The following EIF4B variants were observed in gnomAD, a reference collection of about 807,000 sequenced individuals.
EIF4B encodes eukaryotic translation initiation factor 4B.
Under a neutral mutation model 79.3 loss-of-function variants are expected in EIF4B, and 8 were observed. That is an observed-to-expected ratio of 0.10 (90% CI 0.06 to 0.18). The LOEUF is 0.18. Ranked by LOEUF, EIF4B falls within the 10% of genes least tolerant of loss-of-function variation. The pLI is 1.00. For synonymous variants in EIF4B, 238 were observed against 274.7 expected (o/e 0.87, Z 1.32); for missense variants, 515 against 792.4 (o/e 0.65, Z 4.20).
chr12:53,011,006 G>A (rs1241683190), intron 1 of EIF4B, among the ~76,000 whole-genome samples: 1 of 152,140 alleles, frequency 6.6e-6, no homozygotes, highest in South Asian at 2.1e-4. Context: ...GCTCACTCCT[G>A]TAATCCCAGC....
At chr12:53,034,473 A>C (rs1943502958) in intron 9 of EIF4B, 139 bp from the exon 10 acceptor site, 2 of 811,048 alleles carry the variant, frequency 2.5e-6, no homozygotes, top group Admixed American at 4.8e-5. Context: ...TAGCTTTCAA[A>C]TAGTTTGAGG....
At chr12:53,024,136 TGG>T (rs1943296345) in intron 6 of EIF4B, among the ~76,000 whole-genome samples, 3 of 152,128 alleles carry the variant, frequency 2.0e-5, no homozygotes, top group South Asian at 4.1e-4. Context: ...GGAAATATCA[TGG>T]GGTAGGAGTA....
At chr12:53,039,128 T>G in intron 12 of EIF4B, 110 bp from the exon 13 acceptor site, 1 of 728,820 alleles carries the variant, frequency 1.4e-6, no homozygotes, top group Non-Finnish European at 2.3e-6. Flanking sequence ...GTGAGGTTAG[T>G]TTCCCTCAGT....
At chr12:53,032,512 C>T (rs1028119031) in intron 8 of EIF4B, among the ~76,000 whole-genome samples, 2 of 152,114 alleles carry the variant, frequency 1.3e-5, no homozygotes, top group African/African-American at 4.8e-5. Context: ...ATACTTTCAT[C>T]CAGTAGTTTA....
chr12:53,027,179 G>A lies in EIF4B; in HGVS notation c.668-603G>A, dbSNP rs1433653120. On this transcript the variant is annotated intron_variant, in intron 6 of 14. Transcript: ENST00000262056. Reference sequence around the variant, plus strand: ...TTTTGAGACATAGTCTCACTCTCTCGCCAGGCTGGAGTGCGGGGGCATGAT... The same window carrying A: ...TTTTGAGACATAGTCTCACTCTCTCACCAGGCTGGAGTGCGGGGGCATGAT... Among the ~76,000 whole-genome samples, 8 of 93,042 alleles carry A rather than the reference G, an allele frequency of 8.6e-5. No individual in the cohort carries two copies. In the East Asian group the frequency reaches 9.5e-4, roughly 11 times the overall value. 61.0% of individuals were successfully genotyped at this position (93,042 alleles called of 152,430 possible). A position where few individuals can be genotyped will look rare whatever the true frequency, so the allele number is the denominator to read the frequency against.
Position 53,020,002 on chromosome 12 carries a change from C to T in EIF4B, c.453C>T (p.Leu151=), listed in dbSNP as rs751731187. The T allele has an allele frequency of 7.5e-6, 12 of 1,610,718 alleles. No homozygotes were observed. Among genetic ancestry groups the T allele is most frequent in the African/African-American group, 6.7e-5 (5 of 74,766 alleles). Residue 151 remains leucine (L), a synonymous_variant, in exon 4 of 15, where the codon CTC becomes CTT. Transcript: ENST00000262056. ...YAEFEDLDSL[L]SALSLNEESL... ...AATTTGAGGACCTGGATTCCCTGCT[C>T]AGTGCCCTGAGTCTCAATGAAGAGG... is the stretch of plus-strand genomic sequence containing the variant.
At chr12:53,016,640 A>G (rs200436267) in intron 2 of EIF4B, 30 bp downstream of exon 2, 1 of 1,541,714 alleles carries the variant, frequency 6.5e-7, no homozygotes, top group Non-Finnish European at 8.7e-7. Context: ...CGTGTTTGGA[A>G]TGTTTATTAT....
At chr12:53,007,852 G>T (rs866763174) in intron 1 of EIF4B, among the ~76,000 whole-genome samples, 2 of 152,168 alleles carry the variant, frequency 1.3e-5, no homozygotes, top group Admixed American at 6.6e-5. Context: ...TGTGCATGTT[G>T]TCTCCTTCCA....
rs774387322 is a variant in EIF4B at position 53,037,573 on chromosome 12, C to G, written c.1471C>G (p.Pro491Ala). 2.5e-6 allele frequency: 4 copies of G among 1,613,842 alleles called. No individual in the cohort carries two copies. The African/African-American group carries it at 5.3e-5, about 22-fold the overall frequency. Residue 491 changes from proline to alanine, a missense_variant, in exon 11 of 15, where the codon CCT (proline) becomes GCT (alanine). Around this residue, in one of 6 missense-constraint regions of EIF4B, gnomAD observed 146 missense variants for 228.0 expected, o/e 0.64. Coordinates refer to ENST00000262056, the MANE Select transcript of EIF4B (RefSeq NM_001417.7). ...TGCTTGGGTGAAGCGAAGTTCTAAC[C>G]CTCCTGCTCGATCTCAGAGCTCAGA... The part of the protein sequence containing the change: ...ENAWVKRSSN[P>A]PARSQSSDTE...
In EIF4B at chr12:53,040,966, CATGA is replaced by C. The variant is rs1444086661; in HGVS notation, c.*747_*750del. The C allele has an allele frequency of 1.8e-4, 28 of 152,200 alleles. No homozygotes were observed. Among genetic ancestry groups the C allele is most frequent in the African/African-American group, 6.8e-4 (28 of 41,452 alleles). 9.4% of individuals were successfully genotyped at this position (152,200 alleles called of 1,614,324 possible). On this transcript the variant is annotated 3_prime_UTR_variant, in exon 15 of 15. Coordinates refer to ENST00000262056, the MANE Select transcript of EIF4B (RefSeq NM_001417.7). Reference sequence around the variant, plus strand: ...AAAATTGTGTGACCTCCAGCAAACACATGAATGGTTATTTCCTGGAGCCGGAAGC... The same window carrying C: ...AAAATTGTGTGACCTCCAGCAAACACATGGTTATTTCCTGGAGCCGGAAGC...
chr12:53,036,816 G>A (rs911946143), intron 10 of EIF4B, among the ~76,000 whole-genome samples: 1 of 152,106 alleles, frequency 6.6e-6, no homozygotes. Context: ...ATCATTTCTA[G>A]TAGCTGGGAC....
At chr12:53,037,301 T>G in intron 10 of EIF4B, 108 bp from the exon 11 acceptor site, 1 of 1,257,608 alleles carries the variant, frequency 8.0e-7, no homozygotes, top group Non-Finnish European at 1.1e-6. Context: ...AAATCCATCT[T>G]TGGGAGCCAA....
chr12:53,025,095 G>A (rs1943312579), intron 6 of EIF4B: 1 of 396,792 alleles, frequency 2.5e-6, no homozygotes, highest in East Asian at 7.2e-5. Context: ...TGGGTCATAG[G>A]TCTGAAAGAA....
rs887937375 is a variant in EIF4B, at chr12:53,037,934, C to A, written c.1520+312C>A. On this transcript the variant is annotated intron_variant, in intron 11 of 14. Transcript: ENST00000262056. ...GGTAGGGGGTAACTTCCTTTCATTT[C>A]TCTTAAGTCTTCTCATTTGTAAGCA... is the stretch of plus-strand genomic sequence containing the variant. 3 of 359,834 alleles carry A rather than the reference C, an allele frequency of 8.3e-6. No homozygotes were observed. In the Admixed American group the frequency reaches 1.3e-4, roughly 16 times the overall value. The allele number at this position is 359,834 out of a possible 1,614,324, so 22.3% of individuals were successfully genotyped here.
intron 8 of EIF4B, among the ~76,000 whole-genome samples, chr12:53,029,714 C>T (rs1375546908): frequency 1.3e-5 from 2 of 152,184 alleles, no homozygotes; most frequent in Middle Eastern, 3.4e-3. Context: ...TAGTCCTAAA[C>T]TTTGTGGCAA....
In EIF4B at chr12:53,033,973, G is replaced by C; in HGVS notation, c.1147G>C (p.Glu383Gln). Residue 383 changes from glutamate to glutamine, a missense_variant, in exon 9 of 15, where the codon GAA (glutamate) becomes CAA (glutamine). By Grantham distance (29) the Glu-to-Gln change is conservative (BLOSUM62 2). Transcript: ENST00000262056. Reference protein sequence around the residue: ...EREVEERLQKEQEKLQRQLDE... With the variant: ...EREVEERLQKQQEKLQRQLDE... ...AGAAGTAGAAGAACGGCTACAGAAG[G>C]AACAAGAGAAGTTGCAGCGTCAGCT... 6 of 1,613,984 alleles carry C rather than the reference G, an allele frequency of 3.7e-6. No individual in the cohort carries two copies. The highest frequency in any genetic ancestry group is 5.1e-6 in the Non-Finnish European group (6 of 1,179,940).
chr12:53,012,946 A>G (rs897771524), intron 1 of EIF4B, among the ~76,000 whole-genome samples: 5 of 152,204 alleles, frequency 3.3e-5, no homozygotes, highest in Non-Finnish European at 7.3e-5. Context: ...GGTGGCAATC[A>G]GAGGAGGGGG....
intron 1 of EIF4B, among the ~76,000 whole-genome samples, chr12:53,010,999 C>T (rs749893811): frequency 7.9e-5 from 12 of 152,176 alleles, no homozygotes; most frequent in South Asian, 2.1e-4. Context: ...TGCAGTGGCT[C>T]ACTCCTGTAA....
At position 53,023,528 on chromosome 12, in the gene EIF4B, G is replaced by A. The variant is rs1299885485; in HGVS notation, c.667+901G>A. Among the ~76,000 whole-genome samples, 4 of 151,458 alleles carry A rather than the reference G, an allele frequency of 2.6e-5. No homozygotes were observed. In the East Asian group the frequency reaches 5.9e-4, roughly 22 times the overall value. Reference sequence around the variant, plus strand: ...TTACAGGCGTGAGCCACTGCGCCTGGCCCATCAGTTGCATTACTATATGCT... The same window carrying A: ...TTACAGGCGTGAGCCACTGCGCCTGACCCATCAGTTGCATTACTATATGCT... On this transcript the variant is annotated intron_variant, in intron 6 of 14. Transcript: ENST00000262056.
Sources: gnomAD v4.1 joint callset for allele counts (sites outside exome capture counted in the v4.1 genomes callset) on GRCh38, gnomAD v4.1.1 for gene constraint, gnomAD v4.1.1 regional missense constraint, MANE v1.5 for transcripts, NCBI Gene and HGNC (gene_info 2026-07-23, HGNC 2026-07-21) for gene names.